The following FBXL2 variants were observed in gnomAD, a reference collection of about 807,000 sequenced individuals.
FBXL2 encodes the protein F-box and leucine rich repeat protein 2, also known as F-box/LRR-repeat protein 2.
Under a neutral mutation model 69.2 loss-of-function variants are expected in FBXL2, and 38 were observed. That is an observed-to-expected ratio of 0.55 (90% confidence interval 0.42 to 0.72). The LOEUF (loss-of-function observed/expected upper bound fraction) is 0.72. FBXL2 is among the 30% of genes least tolerant of loss of function. The probability of loss-of-function intolerance (pLI) is 0.00; values close to 1 mark genes in which losing one functional copy is unlikely to be tolerated. For missense variants in FBXL2, 354 were observed against 520.3 expected, an observed-to-expected ratio of 0.68 and a Z score of 3.11; for synonymous variants, 192 against 201.3, an observed-to-expected ratio of 0.95 and a Z score of 0.39.
chr3:33,286,974 C>T (rs549707273), intron 1 of FBXL2, among the ~76,000 whole-genome samples: 1 of 152,200 alleles, frequency 6.6e-6, no homozygotes, highest in Admixed American at 6.5e-5. Flanking sequence ...CTCCCCGACC[C>T]CTTGCGCTTT....
chr3:33,303,423 A>G (rs2036455828), intron 2 of FBXL2, among the ~76,000 whole-genome samples: 1 of 151,940 alleles, frequency 6.6e-6, no homozygotes, highest in Non-Finnish European at 1.5e-5. Context: ...GCAGAAGCAA[A>G]TTTTCTTTAG....
chr3:33,364,735 T>G lies in FBXL2; in HGVS notation c.290+16T>G. The G allele has an allele frequency of 6.3e-7, 1 of 1,598,446 alleles. No homozygotes were observed. The highest frequency in any genetic ancestry group is 8.6e-7 in the Non-Finnish European group (1 of 1,165,734). Reference sequence around the variant, plus strand: ...CCTCCTTGAAGTAAGTCAAATCCAGTGACTCACTGTCATGGCAGCTTGTAG... The same window carrying G: ...CCTCCTTGAAGTAAGTCAAATCCAGGGACTCACTGTCATGGCAGCTTGTAG... On this transcript the variant is annotated intron_variant, in intron 5 of 14. Transcript: ENST00000484457.
At chr3:33,411,762 G>T in the FBXL2 span, 3 of 1,184,604 alleles carry the variant, frequency 2.5e-6, no homozygotes, top group East Asian at 2.4e-5. Context: ...ACTATATTAT[G>T]TTCTAATGAA....
At chr3:33,361,215 A>G (rs1198509179) in intron 4 of FBXL2, among the ~76,000 whole-genome samples, 1 of 149,626 alleles carries the variant, frequency 6.7e-6, no homozygotes, top group Non-Finnish European at 1.5e-5. Flanking sequence ...ATGAACTTTT[A>G]AAGTCAGGCT....
intron 12 of FBXL2, among the ~76,000 whole-genome samples, chr3:33,395,124 C>G (rs1348043346): frequency 6.6e-6 from 1 of 152,128 alleles, no homozygotes; most frequent in East Asian, 1.9e-4. Context: ...ACATGGAGAT[C>G]TCCTTTAAAT....
At chr3:33,406,041 T>A (rs1354166084), downstream of FBXL2, among the ~76,000 whole-genome samples, 1 of 152,220 alleles carries the variant, frequency 6.6e-6, no homozygotes, top group Non-Finnish European at 1.5e-5. Flanking sequence ...TGGAGAGCTT[T>A]GAATAAACTT....
intron 2 of FBXL2, among the ~76,000 whole-genome samples, chr3:33,328,940 A>G (rs1185115308): frequency 6.6e-6 from 1 of 152,168 alleles, no homozygotes; most frequent in South Asian, 2.1e-4. Flanking sequence ...AAGTGAAGAG[A>G]CAACCCACAG....
At chr3:33,338,885 G>A (rs2039790307) in intron 2 of FBXL2, among the ~76,000 whole-genome samples, 1 of 152,050 alleles carries the variant, frequency 6.6e-6, no homozygotes, top group Non-Finnish European at 1.5e-5. Flanking sequence ...TCATGACGAA[G>A]GCTCCAAAAG....
intron 4 of FBXL2, chr3:33,364,308 G>A: frequency 3.2e-6 from 1 of 315,984 alleles, no homozygotes; most frequent in Non-Finnish European, 5.9e-6. Flanking sequence ...TGGAATAGCT[G>A]TGACCTGGGT....
intron 12 of FBXL2, chr3:33,397,488 C>G (rs2044048992): frequency 6.2e-6 from 1 of 162,472 alleles, no homozygotes; most frequent in Admixed American, 6.4e-5. Flanking sequence ...ACCCACCCCA[C>G]AGAAACAAAC....
chr3:33,408,609 A>C, downstream of FBXL2: 5 of 1,175,444 alleles, frequency 4.3e-6, no homozygotes, highest in Admixed American at 8.2e-5. Context: ...TTTTGGCTTT[A>C]CTTTGCGGTG....
chr3:33,376,184 T>C (rs1172593507), intron 10 of FBXL2, among the ~76,000 whole-genome samples: 1 of 151,840 alleles, frequency 6.6e-6, no homozygotes, highest in Non-Finnish European at 1.5e-5. Flanking sequence ...AAACAATAAT[T>C]TGTATTCTCA....
At chr3:33,356,918 G>T (rs945517451) in intron 2 of FBXL2, among the ~76,000 whole-genome samples, 2 of 152,194 alleles carry the variant, frequency 1.3e-5, no homozygotes, top group Non-Finnish European at 2.9e-5. Context: ...CCAATCCTGA[G>T]GGAAAAGCAG....
intron 2 of FBXL2, among the ~76,000 whole-genome samples, chr3:33,312,135 C>CA (rs2037264128): frequency 6.6e-6 from 1 of 152,092 alleles, no homozygotes; most frequent in South Asian, 2.1e-4. Flanking sequence ...TAGCTCACTA[C>CA]AGCCTCGACT....
At chr3:33,400,548 A>T (rs972817720) in intron 12 of FBXL2, among the ~76,000 whole-genome samples, 4 of 152,208 alleles carry the variant, frequency 2.6e-5, no homozygotes, top group Non-Finnish European at 2.9e-5. Flanking sequence ...TGAACATTTC[A>T]TTGTCTTAAG....
chr3:33,380,954 A>T (rs77609328), intron 13 of FBXL2, among the ~76,000 whole-genome samples: 1 of 152,126 alleles, frequency 6.6e-6, no homozygotes, highest in Non-Finnish European at 1.5e-5. Context: ...GTCATCTGTA[A>T]AAAGGGAATA....
the FBXL2 span, among the ~76,000 whole-genome samples, chr3:33,412,249 C>G: frequency 4.2e-3 from 637 of 150,748 alleles, 5 homozygotes; most frequent in Admixed American, 6.9e-3. Flanking sequence ...TCATAAAATT[C>G]CAGGTTCACA....
At chr3:33,305,728 A>G (rs1315041873) in intron 2 of FBXL2, among the ~76,000 whole-genome samples, 1 of 151,980 alleles carries the variant, frequency 6.6e-6, no homozygotes, top group Non-Finnish European at 1.5e-5. Flanking sequence ...TTAGAAATGA[A>G]TAGTATTTTT....
chr3:33,293,729 G>A lies in FBXL2; in HGVS notation c.4-3935G>A, dbSNP rs143529701. ...AGAAAATAAGCCAATTGTTCTGACT[G>A]TTGAGATATGTGAAGGTTTTCATGT... On this transcript the variant is annotated intron_variant, in intron 1 of 14. Transcript: ENST00000484457. 3.0e-3 allele frequency among the ~76,000 whole-genome samples: 449 copies of A among 152,184 alleles called. 1 individual carries two copies. Among genetic ancestry groups the A allele is most frequent in the Non-Finnish European group, 4.2e-3 (283 of 68,024 alleles).
Sources: gnomAD v4.1 joint callset for allele counts (sites outside exome capture counted in the v4.1 genomes callset) on GRCh38, gnomAD v4.1.1 for gene constraint, MANE v1.5 for transcripts, NCBI Gene and HGNC (gene_info 2026-07-23, HGNC 2026-07-21) for gene names.